The following FERMT3 variants were observed in gnomAD, a reference collection of about 807,000 sequenced individuals.
FERMT3 encodes FERM domain containing kindlin 3, also known as fermitin family homolog 3.
In FERMT3, 33 loss-of-function variants were observed where a neutral mutation model predicts 80.8. The ratio of observed to expected loss-of-function variants is 0.41; its 90% confidence interval spans 0.31 to 0.55. The LOEUF (loss-of-function observed/expected upper bound fraction) is 0.55, where lower values mean the gene tolerates loss of function less well. Among genes scored for constraint, FERMT3 ranks in the 20% least tolerant of loss-of-function variants. FERMT3 has a pLI of 0.31. For missense variants in FERMT3, 754 were observed against 908.7 expected (o/e 0.83, Z 2.19); for synonymous variants, 375 against 372.2 (o/e 1.01, Z -0.09).
At chr11:64,209,995 C>T (rs1055260584) in intron 2 of FERMT3, among the ~76,000 whole-genome samples, 1 of 152,184 alleles carries the variant, frequency 6.6e-6, no homozygotes, top group Non-Finnish European at 1.5e-5. Flanking sequence ...TCGTCATGTG[C>T]GTGCACAAGT....
chr11:64,214,813 T>G (rs1946517347), intron 6 of FERMT3, among the ~76,000 whole-genome samples: 1 of 151,758 alleles, frequency 6.6e-6, no homozygotes, highest in Non-Finnish European at 1.5e-5. Context: ...AGGGTTTTTT[T>G]TTTTTTGAGA....
Position 64,207,435 on chromosome 11 carries a change from A to C in FERMT3, c.71A>C (p.Glu24Ala). The stretch of plus-strand genomic sequence containing the variant: ...TGGGAGCTGCGGGTGTTTGTGGGAG[A>C]GGAGGACCCAGAGGCCGAGTCGGTC... Reference protein sequence around the residue: ...SSWELRVFVGEEDPEAESVTL... With the variant: ...SSWELRVFVGAEDPEAESVTL... The change falls in exon 2 of 15, where the codon GAG becomes GCG. Residue 24 changes from glutamate to alanine, a missense_variant. Transcript: ENST00000345728. 6.2e-7 allele frequency: 1 copy of C among 1,614,056 alleles called. No individual in the cohort carries two copies. Among genetic ancestry groups the C allele is most frequent in the Non-Finnish European group, 8.5e-7 (1 of 1,180,002 alleles).
chr11:64,220,849 G>A (rs1159005371), intron 12 of FERMT3, 167 bp from the exon 13 acceptor site: 1 of 1,392,342 alleles, frequency 7.2e-7, no homozygotes, highest in Non-Finnish European at 9.9e-7. Context: ...AGGTGCCCAT[G>A]TCCACCTTGC....
At chr11:64,216,347 C>A (rs966848877) in intron 6 of FERMT3, among the ~76,000 whole-genome samples, 6 of 151,174 alleles carry the variant, frequency 4.0e-5, no homozygotes, top group Admixed American at 3.3e-4. Context: ...CAGGCATGCA[C>A]CACCACGCCT....
chr11:64,210,390 G>A lies in FERMT3; in HGVS notation c.161-221G>A, dbSNP rs1028139668. ...GGGTTGGAGAGCTCCCCTGGGAAGCGATATAGAAGCCAAGCCTAGAAGGCC... is the reference window on the plus strand; with the variant it reads ...GGGTTGGAGAGCTCCCCTGGGAAGCAATATAGAAGCCAAGCCTAGAAGGCC... On this transcript the variant is annotated intron_variant, in intron 2 of 14. Coordinates refer to ENST00000345728, the MANE Select transcript of FERMT3 (RefSeq NM_031471.6). This position sits in a 1 kb window ranked among gnomAD's most constrained non-coding sequence, Gnocchi z 4.3. Among the ~76,000 whole-genome samples the A allele has an allele frequency of 5.3e-5, 8 of 152,202 alleles. No individual in the cohort carries two copies. Among genetic ancestry groups the A allele is most frequent in the African/African-American group, 9.7e-5 (4 of 41,450 alleles).
chr11:64,208,332 G>GT (rs1946362034), intron 2 of FERMT3, among the ~76,000 whole-genome samples: 1 of 152,210 alleles, frequency 6.6e-6, no homozygotes, highest in African/African-American at 2.4e-5. Context: ...TAGAAGTGAG[G>GT]AACAGAGAGA....
rs1946775113 is a variant in FERMT3 at position 64,223,552 on chromosome 11, A to T, written c.*60A>T. 6.5e-7 allele frequency: 1 copy of T among 1,547,446 alleles called. No individual in the cohort carries two copies. Among genetic ancestry groups the T allele is most frequent in the Admixed American group, 1.9e-5 (1 of 53,474 alleles). Reference sequence around the variant, plus strand: ...CTGTCACAGCCACTCCCAAGCCCACACCCACAGGGGCTCACTGCCCCACAC... The same window carrying T: ...CTGTCACAGCCACTCCCAAGCCCACTCCCACAGGGGCTCACTGCCCCACAC... On this transcript the variant is annotated 3_prime_UTR_variant, in exon 15 of 15. Transcript: ENST00000345728.
At chr11:64,222,837 C>G (rs1395106890) in intron 13 of FERMT3, among the ~76,000 whole-genome samples, 1 of 152,246 alleles carries the variant, frequency 6.6e-6, no homozygotes, top group Non-Finnish European at 1.5e-5. Context: ...CCCGATGCTG[C>G]TAAATGCTGT....
At chr11:64,220,197 G>C (rs1379953668) in intron 10 of FERMT3, 23 bp from the exon 11 acceptor site, 2 of 1,610,794 alleles carry the variant, frequency 1.2e-6, no homozygotes, top group East Asian at 2.2e-5. Context: ...CGACCTCCTA[G>C]ACCACCCCTT....
At chr11:64,222,550 C>T (rs955691799) in intron 13 of FERMT3, among the ~76,000 whole-genome samples, 5 of 133,396 alleles carry the variant, frequency 3.7e-5, no homozygotes, top group South Asian at 2.3e-4. Context: ...GGCAACAAAG[C>T]GACACTCCGT....
chr11:64,219,731 C>G lies in FERMT3; in HGVS notation c.1030-9C>G, dbSNP rs368225468. Reference sequence around the variant, plus strand: ...ACCGGGTGCCCCTCTGACTCTGGTCCTCCCATAGGACAGCCTCACCACCAT... The same window carrying G: ...ACCGGGTGCCCCTCTGACTCTGGTCGTCCCATAGGACAGCCTCACCACCAT... On this transcript the variant is annotated splice_polypyrimidine_tract_variant and intron_variant, in intron 8 of 14. Coordinates refer to ENST00000345728, the MANE Select transcript of FERMT3 (RefSeq NM_031471.6). This position sits in a 1 kb window ranked among gnomAD's most constrained non-coding sequence, Gnocchi z 4.0. 3.3e-5 allele frequency: 54 copies of G among 1,613,844 alleles called. No homozygotes were observed. Among genetic ancestry groups the G allele is most frequent in the Non-Finnish European group, 4.5e-5 (53 of 1,179,992 alleles).
At position 64,220,433 on chromosome 11, in the gene FERMT3, C is replaced by T. The variant is rs200628233; in HGVS notation, c.1312-3C>T. On this transcript the variant is annotated splice_region_variant and splice_polypyrimidine_tract_variant and intron_variant, in intron 11 of 14. Coordinates refer to ENST00000345728, the MANE Select transcript of FERMT3 (RefSeq NM_031471.6). Reference sequence around the variant, plus strand: ...CACTGTCCCCCTCACCCCTCTCGCCCAGGAGCAGCAGTATGCCCGCTGGAT... The same window carrying T: ...CACTGTCCCCCTCACCCCTCTCGCCTAGGAGCAGCAGTATGCCCGCTGGAT... The T allele has an allele frequency of 6.2e-7, 1 of 1,611,070 alleles. No homozygotes were observed. The highest frequency in any genetic ancestry group is 2.2e-5 in the East Asian group (1 of 44,874).
chr11:64,223,409 C>A lies in FERMT3; in HGVS notation c.1909C>A (p.Leu637Met). ...VHEYIGGYIF[L>M]STRERARGEE... ...CGAGTATATCGGGGGCTACATTTTCCTGTCGACGCGGGAGCGGGCCCGTGG... is the reference window on the plus strand; with the variant it reads ...CGAGTATATCGGGGGCTACATTTTCATGTCGACGCGGGAGCGGGCCCGTGG... Residue 637 changes from leucine to methionine, a missense_variant, in exon 15 of 15, where the codon CTG (leucine) becomes ATG (methionine). Leu to Met is a conservative substitution (Grantham distance 15). Coordinates refer to ENST00000345728, the MANE Select transcript of FERMT3 (RefSeq NM_031471.6). 1.2e-6 allele frequency: 2 copies of A among 1,613,824 alleles called. No homozygotes were observed. The highest frequency in any genetic ancestry group is 1.7e-6 in the Non-Finnish European group (2 of 1,180,048).
At chr11:64,208,197 C>T (rs987411973) in intron 2 of FERMT3, among the ~76,000 whole-genome samples, 2 of 152,196 alleles carry the variant, frequency 1.3e-5, no homozygotes, top group African/African-American at 2.4e-5. Flanking sequence ...CCCGCCAGGC[C>T]ACCATGTGCA....
rs777822530 is a variant in FERMT3, at chr11:64,219,378, G to A, written c.894+20G>A. ...CTGCAGGTACCAGGCGGGCCTGGGG[G>A]CACCAGGGCAGGTGGGAGGTGAGCC... On this transcript the variant is annotated intron_variant, in intron 7 of 14. Transcript: ENST00000345728. This position sits in a 1 kb window ranked among gnomAD's most constrained non-coding sequence, Gnocchi z 4.0. The A allele has an allele frequency of 6.3e-6, 10 of 1,578,306 alleles. No individual in the cohort carries two copies. Among genetic ancestry groups the A allele is most frequent in the Non-Finnish European group, 7.7e-6 (9 of 1,162,636 alleles).
chr11:64,213,348 T>A (rs1318928970), intron 6 of FERMT3, among the ~76,000 whole-genome samples: 1 of 150,480 alleles, frequency 6.6e-6, no homozygotes, highest in Non-Finnish European at 1.5e-5. Context: ...ACCATATTGG[T>A]CAGGCTGGTC....
upstream of FERMT3, chr11:64,206,681 C>T (rs778617606): frequency 4.6e-5 from 7 of 152,842 alleles, no homozygotes; most frequent in African/African-American, 7.2e-5. Context: ...GGGCTGAACC[C>T]GCCCTGCTCG....
rs753960228 is a variant in FERMT3 at position 64,219,212 on chromosome 11, G to C, written c.787-39G>C. 2 of 1,544,316 alleles carry C rather than the reference G, an allele frequency of 1.3e-6. No homozygotes were observed. The highest frequency in any genetic ancestry group is 8.8e-7 in the Non-Finnish European group (1 of 1,140,624). ...AGGGCGTCCAGGGCAGCTGGCATCT[G>C]ACCAGCCCAGCCTCCAGCCTCCTCT... On this transcript the variant is annotated intron_variant, in intron 6 of 14. Transcript: ENST00000345728. The surrounding 1 kb of genome is among the most constrained non-coding windows in gnomAD (Gnocchi z 4.0).
rs1946755465 is a variant in FERMT3 at position 64,223,197 on chromosome 11, C to T, written c.1812+8C>T. On this transcript the variant is annotated splice_region_variant and intron_variant, in intron 14 of 14. Coordinates refer to ENST00000345728, the MANE Select transcript of FERMT3 (RefSeq NM_031471.6). ...AACTGGGACATCCGGCAGGTGGGCC[C>T]AGACCCAGGGTATATGGATGGGGGA... 6.2e-7 allele frequency: 1 copy of T among 1,613,728 alleles called. No individual in the cohort carries two copies. The highest frequency in any genetic ancestry group is 8.5e-7 in the Non-Finnish European group (1 of 1,180,038).
Sources: gnomAD v4.1 joint callset for allele counts (sites outside exome capture counted in the v4.1 genomes callset) on GRCh38, gnomAD v4.1.1 for gene constraint, Gnocchi (gnomAD v3.1) non-coding constraint, MANE v1.5 for transcripts, NCBI Gene and HGNC (gene_info 2026-07-23, HGNC 2026-07-21) for gene names.